Variants in SORCS1 observed in about 807,000 individuals in gnomAD.
The protein encoded by SORCS1 is sortilin related VPS10 domain containing receptor 1, also known as VPS10 domain-containing receptor SorCS1.
A neutral mutation model predicts 146.1 loss-of-function variants in SORCS1; 60 were observed. That is an observed-to-expected ratio of 0.41 (90% confidence interval 0.33 to 0.51). The LOEUF is 0.51. Among genes scored for constraint, SORCS1 ranks in the 20% least tolerant of loss-of-function variants. The pLI is 0.21. For synonymous variants in SORCS1, 637 were observed against 584.0 expected, an observed-to-expected ratio of 1.09 and a Z score of -1.31; for missense variants, 1,352 against 1,487.6, an observed-to-expected ratio of 0.91 and a Z score of 1.50.
In SORCS1 at chr10:107,040,306, T is replaced by G. The variant is rs142373435; in HGVS notation, c.559-83726A>C. ...ATTTCTCTGGGGGCTTATGCTCAGA[T>G]CAGTAGGAACGTCAGCGGCAATTTT... On this transcript the variant is annotated intron_variant, in intron 1 of 25. Coordinates refer to ENST00000263054, the MANE Select transcript of SORCS1 (RefSeq NM_052918.5). Among the ~76,000 whole-genome samples the G allele has an allele frequency of 5.3e-4, 80 of 152,298 alleles. No individual in the cohort carries two copies. In the East Asian group the frequency reaches 0.015, roughly 29 times the overall value.
intron 2 of SORCS1, among the ~76,000 whole-genome samples, chr10:106,855,947 G>C (rs1216370367): frequency 2.6e-5 from 4 of 152,054 alleles, no homozygotes; most frequent in Non-Finnish European, 5.9e-5. Flanking sequence ...GCTGACATGA[G>C]GTACTAGGTA....
intron 3 of SORCS1, among the ~76,000 whole-genome samples, chr10:106,795,646 G>A (rs1186260992): frequency 6.6e-6 from 1 of 152,132 alleles, no homozygotes; most frequent in Non-Finnish European, 1.5e-5. Flanking sequence ...TGAAATAATG[G>A]GTGTTCGTGT....
In SORCS1 at chr10:107,136,184, T is replaced by C. The variant is rs548761431; in HGVS notation, c.558+27785A>G. On this transcript the variant is annotated intron_variant, in intron 1 of 25. Coordinates refer to ENST00000263054, the MANE Select transcript of SORCS1 (RefSeq NM_052918.5). ...ATAACTTAAAATCAAGGAGGCAACA[T>C]TGAGAAATCCATTTACGCAAAACTT... 1.1e-4 allele frequency among the ~76,000 whole-genome samples: 16 copies of C among 152,216 alleles called. No homozygotes were observed. The South Asian group carries it at 2.9e-3, about 28-fold the overall frequency.
At chr10:106,617,166 G>T (rs1847425384) in intron 21 of SORCS1, among the ~76,000 whole-genome samples, 2 of 151,784 alleles carry the variant, frequency 1.3e-5, no homozygotes, top group South Asian at 2.1e-4. Flanking sequence ...TGTTGGTCAG[G>T]CTGGTCTCGA....
At chr10:106,666,425 C>T (rs898009135) in intron 17 of SORCS1, among the ~76,000 whole-genome samples, 11 of 152,314 alleles carry the variant, frequency 7.2e-5, no homozygotes, top group African/African-American at 2.6e-4. Flanking sequence ...TGGTTTCAGG[C>T]CTTCAGATTC....
intron 1 of SORCS1, among the ~76,000 whole-genome samples, chr10:107,151,591 A>G (rs1212967763): frequency 6.6e-6 from 1 of 152,168 alleles, no homozygotes; most frequent in East Asian, 1.9e-4. Context: ...CACAGGAAAG[A>G]CCAACCCCCA....
At chr10:106,950,744 G>T (rs1020402708) in intron 2 of SORCS1, among the ~76,000 whole-genome samples, 1 of 152,120 alleles carries the variant, frequency 6.6e-6, no homozygotes, top group Non-Finnish European at 1.5e-5. Context: ...GATAAGCAAT[G>T]AACGTATGGA....
chr10:106,590,027 C>T (rs1845505924), intron 24 of SORCS1, among the ~76,000 whole-genome samples: 1 of 152,114 alleles, frequency 6.6e-6, no homozygotes, highest in Non-Finnish European at 1.5e-5. Flanking sequence ...TTTTATCCCT[C>T]TCCCTTTGCT....
At chr10:106,630,725 A>G (rs371669758) in intron 18 of SORCS1, among the ~76,000 whole-genome samples, 2 of 152,334 alleles carry the variant, frequency 1.3e-5, no homozygotes, top group African/African-American at 4.8e-5. Flanking sequence ...AATGACTATA[A>G]ATCAATGTAG....
chr10:106,771,168 G>A (rs1199324288), intron 4 of SORCS1, among the ~76,000 whole-genome samples: 8 of 151,872 alleles, frequency 5.3e-5, no homozygotes, highest in East Asian at 1.9e-4. Context: ...CCCTTACCCC[G>A]GCATAGACAG....
intron 1 of SORCS1, among the ~76,000 whole-genome samples, chr10:107,015,975 T>C (rs963102331): frequency 7.9e-6 from 1 of 127,050 alleles, no homozygotes; most frequent in Non-Finnish European, 1.8e-5. Flanking sequence ...CACAAACCTA[T>C]TGAAATAAAA....
chr10:106,881,953 C>A (rs1431378350), intron 2 of SORCS1, among the ~76,000 whole-genome samples: 1 of 152,162 alleles, frequency 6.6e-6, no homozygotes, highest in Non-Finnish European at 1.5e-5. Context: ...TCTCTGAGGG[C>A]AAGCTTGGCT....
rs1355028758 is a variant in SORCS1, at chr10:106,761,616, C to G, written c.931G>C (p.Glu311Gln). 7.4e-6 allele frequency: 12 copies of G among 1,614,050 alleles called. No individual in the cohort carries two copies. The highest frequency in any genetic ancestry group is 1.0e-5 in the Non-Finnish European group (12 of 1,180,018). The change falls in exon 5 of 26, where the codon GAA becomes CAA. Residue 311 changes from glutamate to glutamine, a missense_variant. Glu to Gln is a conservative substitution (Grantham distance 29). Around this residue, in one of 3 missense-constraint regions of SORCS1, gnomAD observed 490 missense variants for 489.1 expected, o/e 1.00. Transcript: ENST00000263054. ...TAGAACCTGTTTGGTACAACCCCTT[C>G]TTGGATAAGCTGCCATCTTCTCCCA... ...EFGRRWQLIQ[E>Q]GVVPNRFYWS...
At chr10:107,040,879 T>A (rs1418197668) in intron 1 of SORCS1, among the ~76,000 whole-genome samples, 1 of 152,146 alleles carries the variant, frequency 6.6e-6, no homozygotes, top group Non-Finnish European at 1.5e-5. Flanking sequence ...ACCCAGCAGA[T>A]GTATCTCCTG....
At chr10:107,149,664 G>A (rs905542308) in intron 1 of SORCS1, among the ~76,000 whole-genome samples, 2 of 152,150 alleles carry the variant, frequency 1.3e-5, no homozygotes, top group Non-Finnish European at 2.9e-5. Context: ...AAGATTTAGG[G>A]GAGCAATTTA....
chr10:106,813,599 A>T (rs12245614), intron 3 of SORCS1, among the ~76,000 whole-genome samples: 4,011 of 152,264 alleles, frequency 0.026, 66 homozygotes, highest in East Asian at 0.058. Context: ...TCTCCCTGCC[A>T]TTGAAAATCT....
At position 107,150,255 on chromosome 10, in the gene SORCS1, C is replaced by T. The variant is rs182349023; in HGVS notation, c.558+13714G>A. 4.0e-4 allele frequency among the ~76,000 whole-genome samples: 61 copies of T among 152,326 alleles called. No homozygotes were observed. The East Asian group carries it at 6.9e-3, about 17-fold the overall frequency. On this transcript the variant is annotated intron_variant, in intron 1 of 25. Coordinates refer to ENST00000263054, the MANE Select transcript of SORCS1 (RefSeq NM_052918.5). ...TTTTATTATTAAAGAAACGCATGCCCATGCTAAAAATTCAGAACAGCATAA... is the reference window on the plus strand; with the variant it reads ...TTTTATTATTAAAGAAACGCATGCCTATGCTAAAAATTCAGAACAGCATAA...
Position 107,083,443 on chromosome 10 carries a change from T to A in SORCS1, c.558+80526A>T, listed in dbSNP as rs1162362725. 3.9e-5 allele frequency among the ~76,000 whole-genome samples: 6 copies of A among 152,228 alleles called. No individual in the cohort carries two copies. In the East Asian group the frequency reaches 1.2e-3, roughly 29 times the overall value. On this transcript the variant is annotated intron_variant, in intron 1 of 25. Transcript: ENST00000263054. ...TGTCTGTTTGTATTGTTTCTCATATTATTATTCCAATCCCATTTTACTAAA... is the reference window on the plus strand; with the variant it reads ...TGTCTGTTTGTATTGTTTCTCATATAATTATTCCAATCCCATTTTACTAAA...
intron 1 of SORCS1, among the ~76,000 whole-genome samples, chr10:107,154,946 CAG>C (rs1223079718): frequency 6.6e-6 from 1 of 152,066 alleles, no homozygotes; most frequent in Admixed American, 6.5e-5. Flanking sequence ...GAACTAAAGA[CAG>C]AGATAAAGTT....
Sources: gnomAD v4.1 joint callset for allele counts (sites outside exome capture counted in the v4.1 genomes callset) on GRCh38, gnomAD v4.1.1 for gene constraint, gnomAD v4.1.1 regional missense constraint, MANE v1.5 for transcripts, NCBI Gene and HGNC (gene_info 2026-07-23, HGNC 2026-07-21) for gene names.